ROCK1: variants seen among roughly 807,000 people sequenced by gnomAD.
ROCK1 encodes Rho associated coiled-coil containing protein kinase 1.
Under a neutral mutation model 196.8 loss-of-function variants are expected in ROCK1, and 36 were observed. The ratio of observed to expected loss-of-function variants is 0.18; its 90% CI spans 0.14 to 0.24. The LOEUF (loss-of-function observed/expected upper bound fraction) is 0.24, where lower values mean the gene tolerates loss of function less well. Ranked by LOEUF, ROCK1 falls within the 10% of genes least tolerant of loss-of-function variation. The probability of loss-of-function intolerance (pLI) is 1.00; values close to 1 mark genes in which losing one functional copy is unlikely to be tolerated. For synonymous variants in ROCK1, 443 were observed against 515.9 expected, an observed-to-expected ratio of 0.86 and a Z score of 1.91; for missense variants, 920 against 1,562.0, an observed-to-expected ratio of 0.59 and a Z score of 6.93.
chr18:20,958,808 AAC>A (rs1201491502), intron 29 of ROCK1, among the ~76,000 whole-genome samples: 104 of 144,082 alleles, frequency 7.2e-4, no homozygotes, highest in African/African-American at 2.5e-3. Flanking sequence ...ATGCGATGTA[AAC>A]AGTTGTTATA....
intron 16 of ROCK1, among the ~76,000 whole-genome samples, chr18:20,996,252 G>A (rs1334560659): frequency 2.0e-5 from 3 of 152,094 alleles, no homozygotes; most frequent in South Asian, 2.1e-4. Context: ...CTGAAATTCC[G>A]GAGTTGAAAA....
At chr18:21,057,111 A>C (rs1005687632) in intron 2 of ROCK1, among the ~76,000 whole-genome samples, 35 of 152,350 alleles carry the variant, frequency 2.3e-4, no homozygotes, top group African/African-American at 8.4e-4. Context: ...TAATATTTGC[A>C]AAATCACAAA....
intron 1 of ROCK1, among the ~76,000 whole-genome samples, chr18:21,096,685 G>A (rs561188065): frequency 6.6e-6 from 1 of 152,122 alleles, no homozygotes; most frequent in South Asian, 2.1e-4. Context: ...ATTCTCATTA[G>A]GTATGATTAA....
At chr18:21,098,640 A>G (rs2143597016) in intron 1 of ROCK1, among the ~76,000 whole-genome samples, 1 of 152,084 alleles carries the variant, frequency 6.6e-6, no homozygotes, top group East Asian at 1.9e-4. Context: ...AATTGCAAAA[A>G]AAAAAAAAAA....
intron 1 of ROCK1, 97 bp downstream of exon 1, chr18:21,110,721 A>T: frequency 1.1e-6 from 1 of 926,406 alleles, no homozygotes; most frequent in Non-Finnish European, 1.7e-6. Flanking sequence ...CAAGACGATT[A>T]TGCACACCTG....
chr18:21,043,572 TA>T (rs2036128242), intron 6 of ROCK1, among the ~76,000 whole-genome samples: 1 of 133,532 alleles, frequency 7.5e-6, no homozygotes, highest in Admixed American at 7.1e-5. Context: ...TACATATACA[TA>T]ATGTATATGT....
At chr18:21,024,559 A>G (rs1468543860) in intron 10 of ROCK1, among the ~76,000 whole-genome samples, 1 of 152,246 alleles carries the variant, frequency 6.6e-6, no homozygotes, top group Non-Finnish European at 1.5e-5. Flanking sequence ...AAGGAGATCA[A>G]ATAGTTACAG....
At chr18:21,056,823 G>A (rs2036248552) in intron 2 of ROCK1, among the ~76,000 whole-genome samples, 1 of 152,166 alleles carries the variant, frequency 6.6e-6, no homozygotes, top group South Asian at 2.1e-4. Context: ...TGGCTTCCTT[G>A]ATGTTCTTCA....
At chr18:20,997,380 A>C (rs1284845498) in intron 16 of ROCK1, among the ~76,000 whole-genome samples, 1 of 152,230 alleles carries the variant, frequency 6.6e-6, no homozygotes, top group Non-Finnish European at 1.5e-5. Context: ...TCAAGACAAA[A>C]ACTATAAAAA....
At chr18:21,095,285 T>C (rs1190645822) in intron 1 of ROCK1, among the ~76,000 whole-genome samples, 1 of 152,010 alleles carries the variant, frequency 6.6e-6, no homozygotes, top group Non-Finnish European at 1.5e-5. Context: ...ACAACCACTA[T>C]GGAGAACAGT....
At chr18:21,110,420 A>C (rs964039104) in intron 1 of ROCK1, among the ~76,000 whole-genome samples, 5 of 152,244 alleles carry the variant, frequency 3.3e-5, no homozygotes, top group African/African-American at 1.2e-4. Flanking sequence ...AAGGAAAAAA[A>C]ATGCAAAGTA....
At chr18:21,065,178 C>T (rs1183155435) in intron 2 of ROCK1, among the ~76,000 whole-genome samples, 1 of 152,160 alleles carries the variant, frequency 6.6e-6, no homozygotes, top group African/African-American at 2.4e-5. Flanking sequence ...AAATGATCAT[C>T]GCTTTTGATC....
chr18:21,041,770 A>T (rs1211349147), intron 8 of ROCK1, among the ~76,000 whole-genome samples: 1 of 152,104 alleles, frequency 6.6e-6, no homozygotes, highest in Non-Finnish European at 1.5e-5. Flanking sequence ...CTCTAATTTC[A>T]GAGATGTTAT....
chr18:21,072,827 T>C (rs1179253329), intron 1 of ROCK1, among the ~76,000 whole-genome samples: 2 of 151,830 alleles, frequency 1.3e-5, no homozygotes, highest in Non-Finnish European at 2.9e-5. Context: ...TCTCAGCACT[T>C]TGGGAGGCCG....
At chr18:20,959,078 A>AT (rs1191577537) in intron 29 of ROCK1, among the ~76,000 whole-genome samples, 1 of 39,024 alleles carries the variant, frequency 2.6e-5, no homozygotes, top group Non-Finnish European at 3.7e-5. Context: ...ATTATATAAT[A>AT]TATATATTTT....
chr18:21,083,964 G>T (rs1411791582), intron 1 of ROCK1, among the ~76,000 whole-genome samples: 1 of 152,128 alleles, frequency 6.6e-6, no homozygotes, highest in Non-Finnish European at 1.5e-5. Context: ...GGGAAAAGGG[G>T]CACAAACCCA....
intron 12 of ROCK1, 105 bp downstream of exon 12, chr18:21,020,046 A>C: frequency 1.6e-6 from 1 of 610,396 alleles, no homozygotes; most frequent in Non-Finnish European, 2.7e-6. Flanking sequence ...TAATCTTTAC[A>C]TCCTCATTTT....
chr18:21,017,186 CTT>C (rs774542704), intron 12 of ROCK1, among the ~76,000 whole-genome samples: 12 of 99,086 alleles, frequency 1.2e-4, no homozygotes, highest in South Asian at 3.3e-4. Flanking sequence ...TACCACACTT[CTT>C]TTTTTTTTTT....
chr18:20,975,201 T>A (rs1385948894), intron 22 of ROCK1, among the ~76,000 whole-genome samples: 1 of 152,168 alleles, frequency 6.6e-6, no homozygotes, highest in African/African-American at 2.4e-5. Flanking sequence ...AAGGATGAAC[T>A]GGGCACCACG....
Sources: allele counts gnomAD v4.1 joint callset (sites outside exome capture counted in the v4.1 genomes callset), GRCh38; gene constraint gnomAD v4.1.1; transcripts MANE v1.5; gene names NCBI Gene and HGNC (gene_info 2026-07-23, HGNC 2026-07-21).